The following CYP11B1 variants were observed in gnomAD, a reference collection of about 807,000 sequenced individuals.
CYP11B1 encodes cytochrome P450 11B1, mitochondrial.
In CYP11B1, 34 loss-of-function variants were observed where a neutral mutation model predicts 48.3. The ratio of observed to expected loss-of-function variants is 0.70; its 90% CI spans 0.54 to 0.94. CYP11B1 has a LOEUF of 0.94. Ranked by LOEUF, CYP11B1 falls within the 40% of genes least tolerant of loss-of-function variation. The probability of loss-of-function intolerance (pLI) is 0.00; values close to 1 mark genes in which losing one functional copy is unlikely to be tolerated. For missense variants in CYP11B1, 688 were observed against 657.4 expected (o/e 1.05, Z -0.51); for synonymous variants, 291 against 262.5 (o/e 1.11, Z -1.05).
rs1335648441 is a variant in CYP11B1, at chr8:142,872,463, GT to G, written c.*1909del. 6.6e-6 allele frequency: 1 copy of G among 152,216 alleles called. No individual in the cohort carries two copies. The allele number at this position is 152,216 out of a possible 1,614,324, so 9.4% of individuals were successfully genotyped here. Reference sequence around the variant, plus strand: ...TGTTTCTCCTTTCTGGAATGGGAATGTTTATCCTATGCCTCTCCAACCACTG... The same window carrying G: ...TGTTTCTCCTTTCTGGAATGGGAATGTTATCCTATGCCTCTCCAACCACTG... On this transcript the variant is annotated 3_prime_UTR_variant, in exon 9 of 9. Transcript: ENST00000292427.
chr8:142,879,474 C>T (rs1817076010), intron 1 of CYP11B1, 101 bp downstream of exon 1: 1 of 1,613,936 alleles, frequency 6.2e-7, no homozygotes, highest in African/African-American at 1.3e-5. Context: ...ATGCAGAGTG[C>T]CGGGACCTGC....
In CYP11B1 at chr8:142,874,945, G is replaced by A. The variant is rs769028095; in HGVS notation, c.1398+12C>T. On this transcript the variant is annotated intron_variant, in intron 8 of 8. Transcript: ENST00000292427. ...CCCCGCCCAGGCCCCTCCCCAGCCC[G>A]GGCCTGCTCACATGGTGCAGCAGCA... The A allele has an allele frequency of 2.5e-6, 4 of 1,612,272 alleles. No homozygotes were observed. Among genetic ancestry groups the A allele is most frequent in the African/African-American group, 1.3e-5 (1 of 74,882 alleles).
chr8:142,875,895 T>C lies in CYP11B1; in HGVS notation c.955-17A>G, dbSNP rs767896356. On this transcript the variant is annotated splice_polypyrimidine_tract_variant and intron_variant, in intron 5 of 8. Transcript: ENST00000292427. ...AAACACCGTCTGCAGGAGACACAGC[T>C]GCAGGGTCAGACCTTGCACAGGAGG... 2 of 1,614,042 alleles carry C rather than the reference T, an allele frequency of 1.2e-6. No individual in the cohort carries two copies. The highest frequency in any genetic ancestry group is 1.7e-6 in the Non-Finnish European group (2 of 1,179,960).
chr8:142,876,063 C>G (rs1246606823), intron 5 of CYP11B1, 178 bp downstream of exon 5: 3 of 1,130,378 alleles, frequency 2.7e-6, no homozygotes, highest in Non-Finnish European at 3.9e-6. Context: ...AGAAAGGAAC[C>G]CCCCATTCCA....
intron 2 of CYP11B1, chr8:142,877,732 G>A (rs752660639): frequency 6.3e-7 from 1 of 1,593,022 alleles, no homozygotes. Flanking sequence ...CAGAAACCAA[G>A]CTTTGTGCTT....
At chr8:142,876,031 C>T (rs1277572038) in intron 5 of CYP11B1, 153 bp from the exon 6 acceptor site, 3 of 1,156,712 alleles carry the variant, frequency 2.6e-6, no homozygotes, top group African/African-American at 3.1e-5. Context: ...CCCATCCAAA[C>T]CCCTTTCCCT....
rs1216496876 is a variant in CYP11B1 at position 142,874,503 on chromosome 8, G to A, written c.1399-17C>T. 6.4e-7 allele frequency: 1 copy of A among 1,564,904 alleles called. No individual in the cohort carries two copies. The highest frequency in any genetic ancestry group is 1.4e-5 in the African/African-American group (1 of 73,926). ...TTTCAGCACCTAGGACAGAAGCCGG[G>A]TTTCCATCTGGCTTGGTCCGCAGCC... On this transcript the variant is annotated splice_polypyrimidine_tract_variant and intron_variant, in intron 8 of 8. Transcript: ENST00000292427.
At position 142,876,478 on chromosome 8, in the gene CYP11B1, G is replaced by A. The variant is rs562813618; in HGVS notation, c.800-83C>T. 9.3e-5 allele frequency: 144 copies of A among 1,544,038 alleles called. No individual in the cohort carries two copies. The East Asian group carries it at 3.1e-3, about 33-fold the overall frequency. ...GTCCTCCTCCTGCCCAGACTGCCCC[G>A]ACACCCAAGTCTCCCTGCTCTCATC... is the stretch of plus-strand genomic sequence containing the variant. On this transcript the variant is annotated intron_variant, in intron 4 of 8. Coordinates refer to ENST00000292427, the MANE Select transcript of CYP11B1 (RefSeq NM_000497.4).
chr8:142,878,990 C>A (rs761269721), intron 2 of CYP11B1, 42 bp downstream of exon 2: 2 of 1,611,238 alleles, frequency 1.2e-6, no homozygotes, highest in African/African-American at 2.7e-5. Context: ...CCCCTACACC[C>A]AGGCTGCCCA....
In CYP11B1 at chr8:142,873,192, T is replaced by A. The variant is rs1816844342; in HGVS notation, c.*1181A>T. 6.6e-6 allele frequency: 1 copy of A among 152,294 alleles called. No homozygotes were observed. Among genetic ancestry groups the A allele is most frequent in the Non-Finnish European group, 1.5e-5 (1 of 68,094 alleles). 9.4% of individuals were successfully genotyped at this position (152,294 alleles called of 1,614,324 possible). Reference sequence around the variant, plus strand: ...CTGGATCTACTGACCACCACTGGAATGATGCCATAGGGATTTCCCCTTTCA... The same window carrying A: ...CTGGATCTACTGACCACCACTGGAAAGATGCCATAGGGATTTCCCCTTTCA... On this transcript the variant is annotated 3_prime_UTR_variant, in exon 9 of 9. Transcript: ENST00000292427.
rs1816850542 is a variant in CYP11B1, at chr8:142,873,512, G to A, written c.*861C>T. ...GGCTCCGTATCAACCAGAGAAATGA[G>A]TCAATAAAACTCGTCTGAGTCCTTG... On this transcript the variant is annotated 3_prime_UTR_variant, in exon 9 of 9. Coordinates refer to ENST00000292427, the MANE Select transcript of CYP11B1 (RefSeq NM_000497.4). 2 of 152,228 alleles carry A rather than the reference G, an allele frequency of 1.3e-5. No individual in the cohort carries two copies. Among genetic ancestry groups the A allele is most frequent in the Admixed American group, 1.3e-4 (2 of 15,280 alleles). 9.4% of individuals were successfully genotyped at this position (152,228 alleles called of 1,614,324 possible).
At position 142,875,940 on chromosome 8, in the gene CYP11B1, C is replaced by A. The variant is rs61752763; in HGVS notation, c.955-62G>T. The A allele has an allele frequency of 8.5e-3, 13,591 of 1,600,444 alleles. 973 individuals carry two copies. The African/African-American group carries it at 0.16, about 19-fold the overall frequency. On this transcript the variant is annotated intron_variant, in intron 5 of 8. Coordinates refer to ENST00000292427, the MANE Select transcript of CYP11B1 (RefSeq NM_000497.4). The stretch of plus-strand genomic sequence containing the variant: ...AGGAGGACTCAGCCCCCGGGACACC[C>A]CTCCCAGGACAACCTCCCTGTGAGG...
rs768226546 is a variant in CYP11B1, at chr8:142,875,053, G to A, written c.1302C>T (p.Ser434=). The A allele has an allele frequency of 4.3e-6, 7 of 1,614,254 alleles. No homozygotes were observed. Among genetic ancestry groups the A allele is most frequent in the Middle Eastern group, 1.6e-4 (1 of 6,062 alleles). The change falls in exon 8 of 9, where the codon TCC becomes TCT. Residue 434 remains serine (S), a synonymous_variant. Coordinates refer to ENST00000292427, the MANE Select transcript of CYP11B1 (RefSeq NM_000497.4). ...AGGGCACGTGGTAGAAGTTCCTGCC[G>A]GAGCCCCTGATGTCTAGCCAGCGCT... The part of the protein sequence containing the change: ...NPQRWLDIRG[S]GRNFYHVPFG...
chr8:142,875,357 G>A (rs1816903838), intron 6 of CYP11B1, 45 bp from the exon 7 acceptor site: 11 of 1,560,940 alleles, frequency 7.0e-6, no homozygotes, highest in Non-Finnish European at 9.6e-6. Flanking sequence ...GCTGGATGGG[G>A]CTTCCTGTGC....
At chr8:142,878,562 C>T (rs536375132) in intron 2 of CYP11B1, among the ~76,000 whole-genome samples, 28 of 152,330 alleles carry the variant, frequency 1.8e-4, no homozygotes, top group African/African-American at 4.6e-4. Context: ...CCTCCTGCCC[C>T]GGACTGTCCC....
chr8:142,874,183 G>T lies in CYP11B1; in HGVS notation c.*190C>A. ...GGTCAGCAAGATCTTCCCCAGCTGT[G>T]CCCTGGCATTGCTGCTTAGCCTGGC... On this transcript the variant is annotated 3_prime_UTR_variant, in exon 9 of 9. Coordinates refer to ENST00000292427, the MANE Select transcript of CYP11B1 (RefSeq NM_000497.4). 1 of 635,476 alleles carries T rather than the reference G, an allele frequency of 1.6e-6. No homozygotes were observed. The highest frequency in any genetic ancestry group is 2.9e-6 in the Non-Finnish European group (1 of 349,048). 39.4% of individuals were successfully genotyped at this position (635,476 alleles called of 1,614,324 possible). A position where few individuals can be genotyped will look rare whatever the true frequency, so the allele number is the denominator to read the frequency against.
rs1816860584 is a variant in CYP11B1, at chr8:142,874,008, A to T, written c.*365T>A. ...TGGCCAGGGGAAGAGGAACAGGGAC[A>T]TGTGAGACTAGGCAGGAAGGCAAGG... On this transcript the variant is annotated 3_prime_UTR_variant, in exon 9 of 9. Coordinates refer to ENST00000292427, the MANE Select transcript of CYP11B1 (RefSeq NM_000497.4). 7 of 363,738 alleles carry T rather than the reference A, an allele frequency of 1.9e-5. No individual in the cohort carries two copies. The highest frequency in any genetic ancestry group is 1.7e-4 in the South Asian group (7 of 40,912). The allele number at this position is 363,738 out of a possible 1,614,324, so 22.5% of individuals were successfully genotyped here.
At chr8:142,877,286 C>A in intron 2 of CYP11B1, 64 bp from the exon 3 acceptor site, 2 of 1,448,344 alleles carry the variant, frequency 1.4e-6, no homozygotes, top group Non-Finnish European at 9.5e-7. Flanking sequence ...GACCCGTATC[C>A]CATCCTCCTT....
chr8:142,874,524 C>A (rs749582948), intron 8 of CYP11B1, 38 bp from the exon 9 acceptor site: 8 of 1,402,938 alleles, frequency 5.7e-6, no homozygotes, highest in Non-Finnish European at 7.1e-6. Context: ...GCTTGGTCCG[C>A]AGCCCATGCA....
Sources: allele counts gnomAD v4.1 joint callset (sites outside exome capture counted in the v4.1 genomes callset), GRCh38; gene constraint gnomAD v4.1.1; transcripts MANE v1.5; gene names NCBI Gene and HGNC (gene_info 2026-07-23, HGNC 2026-07-21).